The following SERPINA12 variants were observed in gnomAD, a reference collection of about 807,000 sequenced individuals.
SERPINA12 encodes serpin family A member 12.
A neutral mutation model predicts 25.9 loss-of-function variants in SERPINA12; 21 were observed. The observed-to-expected ratio is 0.81, with a 90% confidence interval of 0.58 to 1.17. SERPINA12 has a LOEUF of 1.17. Ranked by LOEUF, SERPINA12 falls within the 50% of genes most tolerant of loss-of-function variation. The pLI, the probability that SERPINA12 is intolerant of heterozygous loss-of-function variation, is 0.00. For synonymous variants in SERPINA12, 220 were observed against 196.0 expected (o/e 1.12, Z -1.02); for missense variants, 562 against 508.3 (o/e 1.11, Z -1.02).
At chr14:94,514,580 G>A (rs1315794892) in intron 2 of SERPINA12, among the ~76,000 whole-genome samples, 5 of 152,242 alleles carry the variant, frequency 3.3e-5, no homozygotes, top group African/African-American at 1.2e-4. Flanking sequence ...TAAAGGGCTT[G>A]CTTTGGGCAT....
chr14:94,512,396 G>T (rs1901134210), upstream of SERPINA12, among the ~76,000 whole-genome samples: 1 of 152,190 alleles, frequency 6.6e-6, no homozygotes, highest in Non-Finnish European at 1.5e-5. Context: ...TCATCAGATT[G>T]TTAGCAGTGC....
upstream of SERPINA12, among the ~76,000 whole-genome samples, chr14:94,514,080 C>T (rs1025924697): frequency 1.1e-4 from 17 of 152,206 alleles, no homozygotes; most frequent in African/African-American, 4.1e-4. Flanking sequence ...ATCATACCTC[C>T]CCACTGTCGA....
At chr14:94,490,005 G>A (rs1362895388) in intron 3 of SERPINA12, among the ~76,000 whole-genome samples, 1 of 151,938 alleles carries the variant, frequency 6.6e-6, no homozygotes, top group Non-Finnish European at 1.5e-5. Flanking sequence ...TCTACAGGGA[G>A]TGTTCTCAAG....
In SERPINA12 at chr14:94,497,995, C is replaced by T. The variant is rs1277212575; in HGVS notation, c.403G>A (p.Gly135Arg). Residue 135 changes from glycine (G) to arginine (R), a missense_variant, in exon 2 of 5, where the codon GGG becomes AGG. Gly to Arg is a moderately radical substitution (Grantham distance 125, BLOSUM62 -2). Transcript: ENST00000677451. Reference sequence around the variant, plus strand: ...CTCTGGTCAATGAACAGCGTGTTCCCAATGCTCAGTTTGAGGTCCTGGGTC... The same window carrying T: ...CTCTGGTCAATGAACAGCGTGTTCCTAATGCTCAGTTTGAGGTCCTGGGTC... Reference protein sequence around the residue: ...QKTQDLKLSIGNTLFIDQRLQ... With the variant: ...QKTQDLKLSIRNTLFIDQRLQ... 5 of 1,614,022 alleles carry T rather than the reference C, an allele frequency of 3.1e-6. No individual in the cohort carries two copies. In the African/African-American group the frequency reaches 5.3e-5, roughly 17 times the overall value.
Position 94,497,841 on chromosome 14 carries a change from T to C in SERPINA12, c.557A>G (p.His186Arg). The C allele has an allele frequency of 6.2e-7, 1 of 1,614,146 alleles. No individual in the cohort carries two copies. Among genetic ancestry groups the C allele is most frequent in the Non-Finnish European group, 8.5e-7 (1 of 1,180,016 alleles). Residue 186 changes from histidine (H) to arginine (R), a missense_variant, in exon 2 of 5, where the codon CAT (histidine) becomes CGT (arginine). By Grantham distance (29) the His-to-Arg change is conservative (BLOSUM62 0). Coordinates refer to ENST00000677451, the MANE Select transcript of SERPINA12 (RefSeq NM_001382267.1). ...CTCGATCAGGTTGTTAATTTTCCCA[T>C]GGGTTTTTTGACTGATAAAGTCATT... ...QINDFISQKT[H>R]GKINNLIENI... is the part of the protein sequence containing the mutation.
upstream of SERPINA12, among the ~76,000 whole-genome samples, chr14:94,512,687 A>G (rs907580021): frequency 2.6e-5 from 4 of 152,160 alleles, no homozygotes; most frequent in Non-Finnish European, 4.4e-5. Flanking sequence ...GTTATCAAGA[A>G]TGGATCAGAC....
chr14:94,497,940 T>C lies in SERPINA12; in HGVS notation c.458A>G (p.Asp153Gly), dbSNP rs1900515610. The change falls in exon 2 of 5, where the codon GAT (aspartate) becomes GGT (glycine). Residue 153 changes from aspartate to glycine, a missense_variant. Coordinates refer to ENST00000677451, the MANE Select transcript of SERPINA12 (RefSeq NM_001382267.1). ...TTCGGCACTGTAAAAGTTCTTGGCA[T>C]CTTCCAAAAACTTACGCTGTGGCTG... Reference protein sequence around the residue: ...RLQPQRKFLEDAKNFYSAETI... With the variant: ...RLQPQRKFLEGAKNFYSAETI... 6.2e-7 allele frequency: 1 copy of C among 1,614,126 alleles called. No homozygotes were observed. The highest frequency in any genetic ancestry group is 1.7e-5 in the Admixed American group (1 of 60,006).
chr14:94,511,797 G>T, upstream of SERPINA12: 1 of 866,574 alleles, frequency 1.2e-6, no homozygotes, highest in Non-Finnish European at 1.4e-6. Context: ...GTCCTCATAA[G>T]CTCACAGACC....
chr14:94,503,264 C>T, intron 1 of SERPINA12: 2 of 985,026 alleles, frequency 2.0e-6, no homozygotes, highest in Non-Finnish European at 2.4e-6. Flanking sequence ...CTCTGATGAC[C>T]ACAGCAATAT....
At chr14:94,494,361 G>A (rs980898165) in intron 3 of SERPINA12, among the ~76,000 whole-genome samples, 15 of 152,216 alleles carry the variant, frequency 9.9e-5, no homozygotes, top group African/African-American at 3.4e-4. Flanking sequence ...GAACTGAACT[G>A]ATGTGACTCC....
chr14:94,510,443 A>C (rs1183676760), upstream of SERPINA12, among the ~76,000 whole-genome samples: 4 of 152,216 alleles, frequency 2.6e-5, no homozygotes, highest in Non-Finnish European at 5.9e-5. Context: ...AAAGTAAAAA[A>C]TAAAAATAAA....
chr14:94,514,150 C>A (rs1901174680), upstream of SERPINA12, among the ~76,000 whole-genome samples: 1 of 152,242 alleles, frequency 6.6e-6, no homozygotes, highest in South Asian at 2.1e-4. Flanking sequence ...CGCTTAGGTA[C>A]TCCATGGCGG....
intron 1 of SERPINA12, among the ~76,000 whole-genome samples, chr14:94,505,117 C>G (rs1956706): frequency 6.6e-6 from 1 of 152,130 alleles, no homozygotes; most frequent in Non-Finnish European, 1.5e-5. Context: ...CACAGTAGGT[C>G]GTATCTGATC....
At chr14:94,487,590 G>T in intron 4 of SERPINA12, 96 bp from the exon 5 acceptor site, 2 of 1,045,728 alleles carry the variant, frequency 1.9e-6, no homozygotes, top group Non-Finnish European at 1.4e-6. Flanking sequence ...AGACCACTTG[G>T]CCCAAGCCAT....
chr14:94,496,405 A>G lies in SERPINA12; in HGVS notation c.873T>C (p.Thr291=), dbSNP rs1900420740. 2 of 1,614,190 alleles carry G rather than the reference A, an allele frequency of 1.2e-6. No homozygotes were observed. Among genetic ancestry groups the G allele is most frequent in the Non-Finnish European group, 1.7e-6 (2 of 1,180,038 alleles). The change falls in exon 3 of 5, where the codon ACT becomes ACC. Residue 291 remains threonine, a synonymous_variant. Transcript: ENST00000677451. ...ACAGTAATGTTTTCCATCTGGAGAA[A>G]GTGTCCACCTGCAATCCCTTCTCCA... ...KHLEKGLQVD[T]FSRWKTLLSR...
At chr14:94,505,489 T>C (rs1389376702) in intron 1 of SERPINA12, among the ~76,000 whole-genome samples, 1 of 152,176 alleles carries the variant, frequency 6.6e-6, no homozygotes, top group East Asian at 1.9e-4. Context: ...GACTTCACAC[T>C]GGCCGGCTCT....
chr14:94,507,557 A>G (rs999451904), intron 1 of SERPINA12, among the ~76,000 whole-genome samples: 1 of 152,260 alleles, frequency 6.6e-6, no homozygotes, highest in Admixed American at 6.5e-5. Context: ...ATACTTCACA[A>G]AAGAAGATAT....
At chr14:94,506,831 G>A (rs1900944761) in intron 1 of SERPINA12, among the ~76,000 whole-genome samples, 1 of 152,178 alleles carries the variant, frequency 6.6e-6, no homozygotes, top group Admixed American at 6.5e-5. Context: ...ACTCAAGGTT[G>A]AGAATCCCAC....
chr14:94,503,541 G>A (rs926844031), intron 1 of SERPINA12, among the ~76,000 whole-genome samples: 3 of 152,082 alleles, frequency 2.0e-5, no homozygotes, highest in African/African-American at 7.3e-5. Flanking sequence ...CTCCCCTTCC[G>A]TGACTGCATT....
Sources: allele counts gnomAD v4.1 joint callset (sites outside exome capture counted in the v4.1 genomes callset), GRCh38; gene constraint gnomAD v4.1.1; transcripts MANE v1.5; gene names NCBI Gene and HGNC (gene_info 2026-07-23, HGNC 2026-07-21).